RNF213: variants seen among roughly 807,000 people sequenced by gnomAD.
RNF213 encodes the protein E3 ubiquitin-protein ligase RNF213.
A neutral mutation model predicts 514.4 loss-of-function variants in RNF213; 341 were observed. The observed-to-expected ratio is 0.66, with a 90% CI of 0.61 to 0.73. The LOEUF is 0.73. Among genes scored for constraint, RNF213 ranks in the 30% least tolerant of loss-of-function variants. The pLI is 0.00. For synonymous variants in RNF213, 2,655 were observed against 2,658.2 expected (o/e 1.00, Z 0.04); for missense variants, 5,767 against 6,615.6 (o/e 0.87, Z 4.45).
chr17:80,349,299 G>A (rs2078420471), intron 29 of RNF213, among the ~76,000 whole-genome samples: 1 of 152,168 alleles, frequency 6.6e-6, no homozygotes, highest in African/African-American at 2.4e-5. Context: ...GGATTCCTGG[G>A]CTAGAGCAGC....
At chr17:80,309,253 C>T (rs998322199) in intron 14 of RNF213, 82 bp downstream of exon 14, 16 of 1,543,474 alleles carry the variant, frequency 1.0e-5, no homozygotes, top group Non-Finnish European at 1.4e-5. Flanking sequence ...AGGAAACAGA[C>T]TGATTCCCGG....
chr17:80,384,569 A>G (rs79367959), intron 59 of RNF213, among the ~76,000 whole-genome samples: 1 of 152,108 alleles, frequency 6.6e-6, no homozygotes, highest in Admixed American at 6.6e-5. Flanking sequence ...ATGAGTTCAC[A>G]ATGACAGGAA....
At position 80,347,711 on chromosome 17, in the gene RNF213, C is replaced by T. The variant is rs762524713; in HGVS notation, c.9376C>T (p.Gln3126Ter). The T allele has an allele frequency of 1.2e-6, 2 of 1,613,990 alleles. No homozygotes were observed. The highest frequency in any genetic ancestry group is 3.3e-5 in the Admixed American group (2 of 60,026). The change falls in exon 29 of 68, where the codon CAG (glutamine) becomes TAG (stop). Residue 3126 changes from glutamine (Q) to a stop codon, truncating the protein, a stop_gained. Transcript: ENST00000582970. LOFTEE classifies it high-confidence loss of function. The surrounding 1 kb of genome is among the most constrained non-coding windows in gnomAD (Gnocchi z 7.2). The stretch of plus-strand genomic sequence containing the variant: ...CCAGTACTACGTCCACCTCGGCGGC[C>T]AGAAGTACGTGGACCTCGGTCTGGG... ...LNQYYVHLGG[Q>*]KYVDLGLGTH...
chr17:80,386,234 A>G lies in RNF213; in HGVS notation c.14540-16A>G. On this transcript the variant is annotated splice_polypyrimidine_tract_variant and intron_variant, in intron 61 of 67. Coordinates refer to ENST00000582970, the MANE Select transcript of RNF213 (RefSeq NM_001256071.3). The stretch of plus-strand genomic sequence containing the variant: ...TGGAACTCCTCTCTGCTTAAGCATA[A>G]CCCTGTCGTTTAAAGGTGAGATCAA... The G allele has an allele frequency of 6.2e-7, 1 of 1,603,612 alleles. No individual in the cohort carries two copies. Among genetic ancestry groups the G allele is most frequent in the Non-Finnish European group, 8.5e-7 (1 of 1,179,658 alleles).
intron 13 of RNF213, 92 bp downstream of exon 13, chr17:80,307,293 G>T: frequency 1.0e-6 from 1 of 961,440 alleles, no homozygotes; most frequent in Non-Finnish European, 1.7e-6. Flanking sequence ...CACATGTGCT[G>T]TTGTAACAGC....
At chr17:80,334,919 C>T (rs1169995611) in intron 22 of RNF213, among the ~76,000 whole-genome samples, 1 of 146,810 alleles carries the variant, frequency 6.8e-6, no homozygotes, top group African/African-American at 2.5e-5. Flanking sequence ...AGCCACTGCA[C>T]CTGGCCTTTT....
At chr17:80,294,223 T>C (rs2044852069) in intron 8 of RNF213, among the ~76,000 whole-genome samples, 1 of 152,208 alleles carries the variant, frequency 6.6e-6, no homozygotes, top group African/African-American at 2.4e-5. Context: ...TCAGCCACCA[T>C]GCCAAGGGCC....
chr17:80,272,810 C>T (rs559465341), intron 2 of RNF213, among the ~76,000 whole-genome samples: 1 of 152,240 alleles, frequency 6.6e-6, no homozygotes, highest in South Asian at 2.1e-4. Context: ...AGTGCCAGGA[C>T]AAGGGAAGCA....
chr17:80,366,249 T>C (rs1271833982), intron 42 of RNF213, among the ~76,000 whole-genome samples: 2 of 152,246 alleles, frequency 1.3e-5, no homozygotes, highest in Non-Finnish European at 2.9e-5. Flanking sequence ...TTAGTTGTTT[T>C]GGATATGTAC....
chr17:80,296,283 G>A (rs2044942404), intron 10 of RNF213, among the ~76,000 whole-genome samples: 1 of 152,190 alleles, frequency 6.6e-6, no homozygotes, highest in Non-Finnish European at 1.5e-5. Flanking sequence ...GCCTCCCAAA[G>A]TGCTAGGATT....
chr17:80,298,311 T>A lies in RNF213; in HGVS notation c.2013-10T>A. On this transcript the variant is annotated splice_polypyrimidine_tract_variant and intron_variant, in intron 10 of 67. Transcript: ENST00000582970. ...GCTCAGCTCACTGCGGGATCTTTAT[T>A]CCCTTCCAGCTGGCGGCTGTACCTG... 6.2e-7 allele frequency: 1 copy of A among 1,613,970 alleles called. No individual in the cohort carries two copies. Among genetic ancestry groups the A allele is most frequent in the Non-Finnish European group, 8.5e-7 (1 of 1,179,970 alleles).
chr17:80,285,339 C>G (rs984427827), intron 3 of RNF213, among the ~76,000 whole-genome samples: 21 of 152,234 alleles, frequency 1.4e-4, no homozygotes, highest in African/African-American at 4.8e-4. Flanking sequence ...GGCAGGCCCT[C>G]TAAACCCAGC....
chr17:80,276,088 TTTTG>T (rs1478500557), intron 3 of RNF213, among the ~76,000 whole-genome samples: 120 of 136,688 alleles, frequency 8.8e-4, no homozygotes, highest in African/African-American at 3.6e-3. Context: ...TTTATTTATT[TTTTG>T]TTTTATTTAT....
At chr17:80,385,681 T>C (rs1458986196) in intron 61 of RNF213, 60 bp downstream of exon 61, 3 of 1,444,722 alleles carry the variant, frequency 2.1e-6, no homozygotes, top group African/African-American at 2.8e-5. Flanking sequence ...TGAAAGCTCT[T>C]CTCGTCAGCC....
rs1425749415 is a variant in RNF213, at chr17:80,353,403, G to A, written c.10424-109G>A. ...GGGACCTAGCACCACAGCAGGGGCC[G>A]GGGAAGCCTGCACTCGGAGGCTGAG... On this transcript the variant is annotated intron_variant, in intron 33 of 67. Coordinates refer to ENST00000582970, the MANE Select transcript of RNF213 (RefSeq NM_001256071.3). The surrounding 1 kb of genome is among the most constrained non-coding windows in gnomAD (Gnocchi z 5.0). The A allele has an allele frequency of 2.1e-5, 27 of 1,268,568 alleles. No homozygotes were observed. The highest frequency in any genetic ancestry group is 2.1e-4 in the African/African-American group (14 of 67,456). 78.6% of individuals were successfully genotyped at this position (1,268,568 alleles called of 1,614,324 possible). A position where few individuals can be genotyped will look rare whatever the true frequency, so the allele number is the denominator to read the frequency against.
intron 61 of RNF213, among the ~76,000 whole-genome samples, 153 bp downstream of exon 61, chr17:80,385,774 T>C (rs2055577164): frequency 1.3e-5 from 2 of 152,074 alleles, no homozygotes; most frequent in Non-Finnish European, 1.5e-5. Context: ...CAGGCTGGAG[T>C]GCAGTGGCAC....
chr17:80,393,487 G>C lies in RNF213; in HGVS notation c.15613G>C (p.Glu5205Gln). 6.2e-7 allele frequency: 1 copy of C among 1,614,178 alleles called. No homozygotes were observed. The change falls in exon 68 of 68, where the codon GAA (glutamate) becomes CAA (glutamine). Residue 5205 changes from glutamate to glutamine, a missense_variant. Physicochemically the swap from Glu to Gln is conservative, Grantham distance 29 (BLOSUM62 2). Around this residue, in one of 13 missense-constraint regions of RNF213, gnomAD observed 1,245 missense variants for 1,339.0 expected, o/e 0.93. Transcript: ENST00000582970. Reference sequence around the variant, plus strand: ...AGCTGCTGTGCTGAAATGGAATCGAGAAATGAGATAGAATTATTTCCTCAG... The same window carrying C: ...AGCTGCTGTGCTGAAATGGAATCGACAAATGAGATAGAATTATTTCCTCAG... ...KTAAVLKWNR[E>Q]MR
chr17:80,288,217 G>A lies in RNF213; in HGVS notation c.664G>A (p.Gly222Ser), dbSNP rs199976159. 210 of 1,612,936 alleles carry A rather than the reference G, an allele frequency of 1.3e-4. No individual in the cohort carries two copies. Among genetic ancestry groups the A allele is most frequent in the Non-Finnish European group, 1.7e-4 (202 of 1,179,796 alleles). Residue 222 changes from glycine (G) to serine (S), a missense_variant, in exon 4 of 68, where the codon GGT becomes AGT. Physicochemically the swap from Gly to Ser is moderately conservative, Grantham distance 56 (BLOSUM62 0). Around this residue, in one of 13 missense-constraint regions of RNF213, gnomAD observed 509 missense variants for 496.7 expected, o/e 1.02. Transcript: ENST00000582970. This position sits in a 1 kb window ranked among gnomAD's most constrained non-coding sequence, Gnocchi z 4.9. ...CAGAGGCCTGTCCCAGGAGGGGACC[G>A]GTCCCCCCACCTCTGCTGGTGAAGG... ...GGRGLSQEGT[G>S]PPTSAGEGHS...
chr17:80,286,995 A>T (rs1217934723), intron 3 of RNF213, among the ~76,000 whole-genome samples: 1 of 152,094 alleles, frequency 6.6e-6, no homozygotes, highest in African/African-American at 2.4e-5. Context: ...CATCCTTCTC[A>T]TTTCAAATTT....
Sources: gnomAD v4.1 joint callset for allele counts (sites outside exome capture counted in the v4.1 genomes callset) on GRCh38, gnomAD v4.1.1 for gene constraint, gnomAD v4.1.1 regional missense constraint, Gnocchi (gnomAD v3.1) non-coding constraint, MANE v1.5 for transcripts, NCBI Gene and HGNC (gene_info 2026-07-23, HGNC 2026-07-21) for gene names.